PDPR: variants seen among roughly 807,000 people sequenced by gnomAD.
PDPR encodes the protein pyruvate dehydrogenase phosphatase regulatory subunit, mitochondrial.
PDPR carries 50 observed loss-of-function variants against 102.2 expected under a neutral mutation model. That is an observed-to-expected ratio of 0.49 (90% CI 0.39 to 0.62). PDPR has a LOEUF of 0.62. Among genes scored for constraint, PDPR ranks in the 20% least tolerant of loss-of-function variants. The pLI is 0.00. For synonymous variants in PDPR, 259 were observed against 406.0 expected (o/e 0.64, Z 4.35); for missense variants, 625 against 1,098.2 (o/e 0.57, Z 6.09).
At chr16:70,137,300 G>A (rs1313374790) in intron 10 of PDPR, among the ~76,000 whole-genome samples, 1 of 152,214 alleles carries the variant, frequency 6.6e-6, no homozygotes, top group Non-Finnish European at 1.5e-5. Flanking sequence ...AGCTTGCAGT[G>A]AGCCGAGATT....
intron 11 of PDPR, among the ~76,000 whole-genome samples, chr16:70,141,951 T>C (rs1428133878): frequency 1.3e-5 from 2 of 152,182 alleles, no homozygotes; most frequent in Admixed American, 6.5e-5. Flanking sequence ...AATACAAAAA[T>C]TAGTGTGGCA....
rs1361421643 is a variant in PDPR, at chr16:70,156,740, T to G, written c.2501T>G (p.Phe834Cys). 1 of 1,614,108 alleles carries G rather than the reference T, an allele frequency of 6.2e-7. No homozygotes were observed. Among genetic ancestry groups the G allele is most frequent in the South Asian group, 1.1e-5 (1 of 91,090 alleles). ...GAAGAGCAAGTGGTGACAGCAGATT[T>G]CATCAACCGGGGAGAGTATGAGATT... The part of the protein sequence containing the change: ...TGEEQVVTAD[F>C]INRGEYEIDI... The change falls in exon 19 of 19, where the codon TTC becomes TGC. Residue 834 changes from phenylalanine to cysteine, a missense_variant. Phe to Cys is a radical substitution (Grantham distance 205). Coordinates refer to ENST00000288050, the MANE Select transcript of PDPR (RefSeq NM_017990.5).
At chr16:70,148,596 C>CCTTCCCTTCCCTTCA in intron 17 of PDPR, 43 bp downstream of exon 17, 1 of 213,364 alleles carries the variant, frequency 4.7e-6, no homozygotes, top group Admixed American at 5.7e-5. Flanking sequence ...ACTTCCCTTC[C>CCTTCCCTTCCCTTCA]CTTCCCTTCC....
chr16:70,136,403 C>G lies in PDPR; in HGVS notation c.1190+17C>G, dbSNP rs1002078921. On this transcript the variant is annotated intron_variant, in intron 10 of 18. Coordinates refer to ENST00000288050, the MANE Select transcript of PDPR (RefSeq NM_017990.5). Reference sequence around the variant, plus strand: ...AGCCGGAAAGTAAGTCTTTCTCACTCAAAGTCAGCTGTGAACATAAGTCAA... The same window carrying G: ...AGCCGGAAAGTAAGTCTTTCTCACTGAAAGTCAGCTGTGAACATAAGTCAA... 5.8e-6 allele frequency: 9 copies of G among 1,563,450 alleles called. No homozygotes were observed. In the African/African-American group the frequency reaches 1.1e-4, roughly 19 times the overall value.
At chr16:70,116,688 G>A (rs1174744722) in intron 2 of PDPR, among the ~76,000 whole-genome samples, 2 of 151,448 alleles carry the variant, frequency 1.3e-5, no homozygotes, top group Non-Finnish European at 2.9e-5. Flanking sequence ...CCACAGGTGC[G>A]TGCCACCACA....
chr16:70,128,429 T>C (rs1486435518), intron 4 of PDPR, among the ~76,000 whole-genome samples: 1 of 152,238 alleles, frequency 6.6e-6, no homozygotes. Flanking sequence ...GGTTTCACCA[T>C]GCTGGCCAGG....
At chr16:70,125,495 A>T (rs1460352454) in intron 3 of PDPR, among the ~76,000 whole-genome samples, 1 of 144,804 alleles carries the variant, frequency 6.9e-6, no homozygotes. Context: ...CAGAGGTTGC[A>T]GTAAGCCGAG....
At chr16:70,119,899 TTG>T (rs1963039026) in intron 2 of PDPR, among the ~76,000 whole-genome samples, 1 of 12,844 alleles carries the variant, frequency 7.8e-5, no homozygotes, top group South Asian at 0.042. Context: ...ATTTCTTTTT[TTG>T]TTTTTTTTTT....
intron 18 of PDPR, among the ~76,000 whole-genome samples, chr16:70,154,581 G>T (rs1287968676): frequency 6.6e-6 from 1 of 152,266 alleles, no homozygotes; most frequent in Non-Finnish European, 1.5e-5. Context: ...GCATTAACAT[G>T]CCACGAATAT....
intron 3 of PDPR, among the ~76,000 whole-genome samples, chr16:70,125,174 C>T (rs572773619): frequency 2.0e-5 from 3 of 152,342 alleles, no homozygotes; most frequent in East Asian, 3.9e-4. Context: ...GTCAGGAATT[C>T]GAAACCAGCC....
Position 70,120,863 on chromosome 16 carries a change from T to C in PDPR, c.227+144T>C, listed in dbSNP as rs1963176725. 3 of 631,122 alleles carry C rather than the reference T, an allele frequency of 4.8e-6. No individual in the cohort carries two copies. The African/African-American group carries it at 5.5e-5, about 12-fold the overall frequency. 39.1% of individuals were successfully genotyped at this position (631,122 alleles called of 1,614,324 possible). On this transcript the variant is annotated intron_variant, in intron 3 of 18. Transcript: ENST00000288050. ...AAGAAGCAAGGTGGAATCTCCTGAA[T>C]TTTGTTTAAGGATGACTAATAATGC... is the stretch of plus-strand genomic sequence containing the variant.
intron 3 of PDPR, among the ~76,000 whole-genome samples, chr16:70,122,732 T>C (rs1216238136): frequency 6.6e-6 from 1 of 152,284 alleles, no homozygotes; most frequent in Admixed American, 6.5e-5. Flanking sequence ...ACCACCGTGA[T>C]GGTTGACAAA....
At chr16:70,155,824 CAG>C (rs1228055731) in intron 18 of PDPR, among the ~76,000 whole-genome samples, 294 of 121,586 alleles carry the variant, frequency 2.4e-3, no homozygotes, top group African/African-American at 0.01. Context: ...TTTTTTGAGA[CAG>C]AGTTTTGCTG....
chr16:70,127,063 G>A (rs8044841), intron 3 of PDPR, among the ~76,000 whole-genome samples, 197 bp from the exon 4 acceptor site: 20,256 of 144,914 alleles, frequency 0.14, 1 homozygote, highest in African/African-American at 0.14. Context: ...GACCAGGCTG[G>A]TCGTAAACCC....
intron 2 of PDPR, among the ~76,000 whole-genome samples, chr16:70,115,964 C>T (rs1962596703): frequency 2.6e-5 from 4 of 152,002 alleles, no homozygotes; most frequent in Non-Finnish European, 5.9e-5. Context: ...GCACTAGACT[C>T]TGGTGCCTTC....
rs559184701 is a variant in PDPR, at chr16:70,162,527, C to G, written c.*5648C>G. On this transcript the variant is annotated 3_prime_UTR_variant, in exon 19 of 19. Transcript: ENST00000288050. ...TTGTAAATGAATAAACACATTTTAA[C>G]TACTCTTGCACGGCTGCTTGTGAAA... is the stretch of plus-strand genomic sequence containing the variant. 6.6e-6 allele frequency: 1 copy of G among 152,618 alleles called. No individual in the cohort carries two copies. The highest frequency in any genetic ancestry group is 1.9e-4 in the East Asian group (1 of 5,194). 9.5% of individuals were successfully genotyped at this position (152,618 alleles called of 1,614,324 possible). A position where few individuals can be genotyped will look rare whatever the true frequency, so the allele number is the denominator to read the frequency against.
intron 6 of PDPR, among the ~76,000 whole-genome samples, chr16:70,129,384 G>A (rs1277386955): frequency 2.6e-5 from 4 of 152,230 alleles, no homozygotes; most frequent in African/African-American, 7.2e-5. Context: ...CACTCTTTTC[G>A]CCCAGGCTGG....
intron 9 of PDPR, among the ~76,000 whole-genome samples, chr16:70,134,952 A>T (rs1379749694): frequency 6.6e-6 from 1 of 152,208 alleles, no homozygotes; most frequent in Non-Finnish European, 1.5e-5. Context: ...AGCTGGGCAC[A>T]GTGGCTTACA....
chr16:70,115,643 A>G (rs972517938), intron 2 of PDPR, among the ~76,000 whole-genome samples: 2 of 152,204 alleles, frequency 1.3e-5, no homozygotes, highest in African/African-American at 2.4e-5. Context: ...CACTGTGCGC[A>G]ACGCTGCAGC....
Sources: allele counts gnomAD v4.1 joint callset (sites outside exome capture counted in the v4.1 genomes callset), GRCh38; gene constraint gnomAD v4.1.1; transcripts MANE v1.5; gene names NCBI Gene and HGNC (gene_info 2026-07-23, HGNC 2026-07-21).